The following AGMO variants were observed in gnomAD, a reference collection of about 807,000 sequenced individuals.
AGMO encodes the protein glyceryl-ether monooxygenase.
A neutral mutation model predicts 60.2 loss-of-function variants in AGMO; 75 were observed. The ratio of observed to expected loss-of-function variants is 1.25; its 90% CI spans 1.03 to 1.51. The LOEUF (loss-of-function observed/expected upper bound fraction) is 1.51. Ranked by LOEUF, AGMO falls within the 40% of genes most tolerant of loss-of-function variation. AGMO has a pLI of 0.00. For missense variants in AGMO, 763 were observed against 525.5 expected, an observed-to-expected ratio of 1.45 and a Z score of -4.42; for synonymous variants, 261 against 177.1, an observed-to-expected ratio of 1.47 and a Z score of -3.76.
intron 5 of AGMO, among the ~76,000 whole-genome samples, chr7:15,406,228 T>TACACAC (rs61400312): frequency 1.5e-3 from 207 of 136,436 alleles, no homozygotes; most frequent in African/African-American, 5.3e-3. Context: ...TTGTTTGGAA[T>TACACAC]ACACACACAC....
intron 12 of AGMO, among the ~76,000 whole-genome samples, chr7:15,242,990 G>A (rs991389155): frequency 6.6e-6 from 1 of 151,980 alleles, no homozygotes; most frequent in Non-Finnish European, 1.5e-5. Flanking sequence ...AAGAACTGGG[G>A]CAAGATGTCA....
At position 15,333,374 on chromosome 7, in the gene AGMO, A is replaced by G. The variant is rs559911660; in HGVS notation, c.1263+32140T>C. On this transcript the variant is annotated intron_variant, in intron 12 of 12. Transcript: ENST00000342526. ...ATGTTTTTCTGGTCTTAGAAACATC[A>G]AAGTCCATTTCATAAGTAAGAAATA... Among the ~76,000 whole-genome samples the G allele has an allele frequency of 4.6e-5, 7 of 152,264 alleles. No homozygotes were observed. The East Asian group carries it at 7.7e-4, about 17-fold the overall frequency.
At chr7:15,404,664 G>A (rs1023761570) in intron 5 of AGMO, among the ~76,000 whole-genome samples, 6 of 151,730 alleles carry the variant, frequency 4.0e-5, no homozygotes, top group Admixed American at 1.3e-4. Flanking sequence ...TAAGTAATCC[G>A]TGTCCAAAAC....
At chr7:15,134,020 G>A in the AGMO span, among the ~76,000 whole-genome samples, 1 of 152,022 alleles carries the variant, frequency 6.6e-6, no homozygotes, top group African/African-American at 2.4e-5. Context: ...TCGAGAGTTT[G>A]AGAACACAAT....
chr7:15,335,324 G>C (rs1212845532), intron 12 of AGMO, among the ~76,000 whole-genome samples: 1 of 152,084 alleles, frequency 6.6e-6, no homozygotes, highest in Non-Finnish European at 1.5e-5. Flanking sequence ...ACTGATGAAA[G>C]AAAATATTGG....
chr7:15,447,692 A>T (rs931852442), intron 3 of AGMO, among the ~76,000 whole-genome samples: 1 of 151,962 alleles, frequency 6.6e-6, no homozygotes, highest in African/African-American at 2.4e-5. Flanking sequence ...CTGGGACTAC[A>T]GACACACGCC....
chr7:15,198,193 TCC>T (rs1781168790), downstream of AGMO, among the ~76,000 whole-genome samples: 1 of 120,796 alleles, frequency 8.3e-6, no homozygotes, highest in Non-Finnish European at 1.8e-5. Context: ...TTTAGGGCTT[TCC>T]CGAGAGAGAG....
chr7:15,216,864 G>GTGTGTA lies in AGMO; in HGVS notation c.1264-15506_1264-15505insTACACA, dbSNP rs1190155865. ...TGTGTGTGTGTGTGTGTGTGTGTGT[G>GTGTGTA]TACACATGCACACATGCCCAATCCC... On this transcript the variant is annotated intron_variant, in intron 12 of 12. Coordinates refer to ENST00000342526, the MANE Select transcript of AGMO (RefSeq NM_001004320.2). Among the ~76,000 whole-genome samples the GTGTGTA allele has an allele frequency of 2.7e-5, 4 of 150,732 alleles. No homozygotes were observed. In the South Asian group the frequency reaches 8.3e-4, roughly 31 times the overall value.
chr7:15,135,979 CTTTTT>C, the AGMO span, among the ~76,000 whole-genome samples: 2 of 106,870 alleles, frequency 1.9e-5, no homozygotes, highest in East Asian at 5.8e-4. Context: ...TTTTTCTTTT[CTTTTT>C]TTTTTTTTTT....
chr7:15,481,390 T>C lies in AGMO; in HGVS notation c.410-50282A>G, dbSNP rs116009831. Among the ~76,000 whole-genome samples the C allele has an allele frequency of 4.3e-3, 657 of 152,136 alleles. 6 individuals carry two copies. The highest frequency in any genetic ancestry group is 0.015 in the African/African-American group (622 of 41,506). Reference sequence around the variant, plus strand: ...AATCTCTGCCAAAACCATTAAAGCTTAACATGAAGAAGAGCTAGACAGTTT... The same window carrying C: ...AATCTCTGCCAAAACCATTAAAGCTCAACATGAAGAAGAGCTAGACAGTTT... On this transcript the variant is annotated intron_variant, in intron 3 of 12. Transcript: ENST00000342526.
chr7:15,422,749 GA>G (rs1780959336), intron 4 of AGMO, among the ~76,000 whole-genome samples: 1 of 152,078 alleles, frequency 6.6e-6, no homozygotes, highest in South Asian at 2.1e-4. Context: ...TCCATACATG[GA>G]GGGGCACGAA....
At chr7:15,343,131 G>C (rs752555893) in intron 12 of AGMO, among the ~76,000 whole-genome samples, 17 of 152,006 alleles carry the variant, frequency 1.1e-4, no homozygotes, top group Non-Finnish European at 1.0e-4. Flanking sequence ...ATGATATTCA[G>C]ATTCTGAAGA....
At chr7:15,378,725 GTTCTGGGTGGCAAAA>G (rs147405320) in intron 10 of AGMO, among the ~76,000 whole-genome samples, 24,551 of 151,582 alleles carry the variant, frequency 0.16, 2,189 homozygotes, top group East Asian at 0.31. Context: ...TCCACCCAGA[GTTCTGGGTGGCAAAA>G]TTCTATAGTG....
intron 3 of AGMO, among the ~76,000 whole-genome samples, chr7:15,543,587 T>A (rs1784689267): frequency 6.6e-6 from 1 of 152,122 alleles, no homozygotes. Flanking sequence ...TTACTTAGAA[T>A]TCCACACTGT....
At position 15,541,313 on chromosome 7, in the gene AGMO, G is replaced by T. The variant is rs569385629; in HGVS notation, c.409+3459C>A. Among the ~76,000 whole-genome samples, 35 of 152,140 alleles carry T rather than the reference G, an allele frequency of 2.3e-4. No homozygotes were observed. The East Asian group carries it at 6.8e-3, about 29-fold the overall frequency. Reference sequence around the variant, plus strand: ...ATTTTTGTATTTTTAGTAGAGACAAGGTTTCACCATGTTGGTCAGGCTGGT... The same window carrying T: ...ATTTTTGTATTTTTAGTAGAGACAATGTTTCACCATGTTGGTCAGGCTGGT... On this transcript the variant is annotated intron_variant, in intron 3 of 12. Coordinates refer to ENST00000342526, the MANE Select transcript of AGMO (RefSeq NM_001004320.2).
At chr7:15,324,456 G>A (rs1387587687) in intron 12 of AGMO, among the ~76,000 whole-genome samples, 3 of 152,000 alleles carry the variant, frequency 2.0e-5, no homozygotes, top group African/African-American at 7.3e-5. Flanking sequence ...TATAAGCTTT[G>A]GTTTCTTGTT....
chr7:15,126,400 T>C, the AGMO span, among the ~76,000 whole-genome samples: 1 of 152,088 alleles, frequency 6.6e-6, no homozygotes, highest in African/African-American at 2.4e-5. Flanking sequence ...ACTATTAAGT[T>C]ATTGTAGTTG....
At chr7:15,392,023 T>C (rs1011655245) in intron 6 of AGMO, among the ~76,000 whole-genome samples, 1 of 152,146 alleles carries the variant, frequency 6.6e-6, no homozygotes, top group Non-Finnish European at 1.5e-5. Flanking sequence ...CTGTTTCATT[T>C]GGTAATGTGG....
intron 12 of AGMO, among the ~76,000 whole-genome samples, chr7:15,260,099 T>G (rs1013292263): frequency 1.3e-5 from 2 of 150,708 alleles, no homozygotes; most frequent in South Asian, 4.2e-4. Flanking sequence ...ATATTAAAAT[T>G]GAATTTAAAT....
Sources: gnomAD v4.1 joint callset for allele counts (sites outside exome capture counted in the v4.1 genomes callset) on GRCh38, gnomAD v4.1.1 for gene constraint, MANE v1.5 for transcripts, NCBI Gene and HGNC (gene_info 2026-07-23, HGNC 2026-07-21) for gene names.